HS3ST5: variants seen among roughly 807,000 people sequenced by gnomAD.
HS3ST5 encodes the protein heparan sulfate-glucosamine 3-sulfotransferase 5, also known as heparan sulfate glucosamine 3-O-sulfotransferase 5.
In HS3ST5, 10 loss-of-function variants were observed where a neutral mutation model predicts 25.4. The ratio of observed to expected loss-of-function variants is 0.39; its 90% CI spans 0.24 to 0.67. The LOEUF is 0.67. Ranked by LOEUF, HS3ST5 falls within the 30% of genes least tolerant of loss-of-function variation. The probability of loss-of-function intolerance (pLI) is 0.44; values close to 1 mark genes in which losing one functional copy is unlikely to be tolerated. For missense variants in HS3ST5, 324 were observed against 420.7 expected, an observed-to-expected ratio of 0.77 and a Z score of 2.01; for synonymous variants, 170 against 162.4, an observed-to-expected ratio of 1.05 and a Z score of -0.36.
chr6:114,194,410 A>G (rs1034289049), intron 2 of HS3ST5, among the ~76,000 whole-genome samples: 1 of 152,174 alleles, frequency 6.6e-6, no homozygotes, highest in Admixed American at 6.5e-5. Flanking sequence ...GGGAGGTCGG[A>G]CACACTTTGT....
intron 1 of HS3ST5, among the ~76,000 whole-genome samples, chr6:114,319,946 C>T (rs530104645): frequency 6.6e-5 from 10 of 152,052 alleles, no homozygotes; most frequent in African/African-American, 2.2e-4. Context: ...TAACAATGGA[C>T]GGCACATCAA....
intron 1 of HS3ST5, among the ~76,000 whole-genome samples, chr6:114,276,072 A>C (rs1773837605): frequency 6.6e-6 from 1 of 152,138 alleles, no homozygotes; most frequent in African/African-American, 2.4e-5. Context: ...AGGCTGGTCA[A>C]AATTTATGGG....
At chr6:114,255,512 C>G (rs1463873410) in intron 1 of HS3ST5, among the ~76,000 whole-genome samples, 3 of 152,158 alleles carry the variant, frequency 2.0e-5, no homozygotes, top group African/African-American at 7.2e-5. Context: ...CCAGTGGGAA[C>G]TCTGTGTGGG....
At chr6:114,065,482 C>G (rs1378981873) in intron 3 of HS3ST5, among the ~76,000 whole-genome samples, 3 of 152,158 alleles carry the variant, frequency 2.0e-5, no homozygotes, top group African/African-American at 7.2e-5. Flanking sequence ...CTTAGTAGCT[C>G]TATGGTTTTG....
chr6:114,127,055 A>C (rs1209022791), intron 3 of HS3ST5, among the ~76,000 whole-genome samples: 1 of 152,138 alleles, frequency 6.6e-6, no homozygotes, highest in Non-Finnish European at 1.5e-5. Flanking sequence ...ACAAAGCATA[A>C]AATGACATCT....
chr6:114,293,351 C>T (rs976307331), intron 1 of HS3ST5, among the ~76,000 whole-genome samples: 2 of 152,180 alleles, frequency 1.3e-5, no homozygotes, highest in South Asian at 4.1e-4. Context: ...GGAGACATAA[C>T]CTGAAATAAG....
At chr6:114,097,663 A>G (rs183837594) in intron 3 of HS3ST5, among the ~76,000 whole-genome samples, 1 of 151,694 alleles carries the variant, frequency 6.6e-6, no homozygotes, top group East Asian at 1.9e-4. Context: ...TTTGAATTGA[A>G]GTAATCAAAA....
At chr6:114,285,652 C>A (rs1301121453) in intron 1 of HS3ST5, among the ~76,000 whole-genome samples, 1 of 151,668 alleles carries the variant, frequency 6.6e-6, no homozygotes, top group African/African-American at 2.4e-5. Flanking sequence ...GGGAACAACA[C>A]ACACTTGGGC....
At chr6:114,290,054 G>A (rs142385084) in intron 1 of HS3ST5, among the ~76,000 whole-genome samples, 132 of 152,204 alleles carry the variant, frequency 8.7e-4, no homozygotes, top group Admixed American at 1.6e-3. Context: ...TCACTGAAAT[G>A]CAGCACAATT....
intron 2 of HS3ST5, among the ~76,000 whole-genome samples, chr6:114,188,100 A>C (rs1280962466): frequency 6.6e-6 from 1 of 152,216 alleles, no homozygotes; most frequent in Non-Finnish European, 1.5e-5. Flanking sequence ...GGTGGTCTGC[A>C]ACAGAACCTG....
Position 114,342,580 on chromosome 6 carries a change from C to T in HS3ST5, c.-724G>A. The T allele has an allele frequency of 6.5e-6, 1 of 154,288 alleles. No individual in the cohort carries two copies. The highest frequency in any genetic ancestry group is 1.4e-5 in the Non-Finnish European group (1 of 69,066). 9.6% of individuals were successfully genotyped at this position (154,288 alleles called of 1,614,324 possible). A position where few individuals can be genotyped will look rare whatever the true frequency, so the allele number is the denominator to read the frequency against. ...GCGCGCTCCCGTGGCGCGGGCACGG[C>T]ACGGGCGGCCGCAGGAGCCGGAGTC... On this transcript the variant is annotated 5_prime_UTR_variant, in exon 1 of 5. Transcript: ENST00000312719.
intron 3 of HS3ST5, among the ~76,000 whole-genome samples, chr6:114,110,054 AC>A (rs1776190209): frequency 6.6e-6 from 1 of 152,166 alleles, no homozygotes; most frequent in South Asian, 2.1e-4. Flanking sequence ...AAGGGCAGGG[AC>A]CCAGAAACGA....
intron 2 of HS3ST5, among the ~76,000 whole-genome samples, chr6:114,177,286 G>A (rs1039975710): frequency 1.3e-5 from 2 of 152,134 alleles, no homozygotes; most frequent in Non-Finnish European, 2.9e-5. Flanking sequence ...CATACATTAC[G>A]ATAGCCATAC....
chr6:114,192,375 CT>C (rs890091384), intron 2 of HS3ST5, among the ~76,000 whole-genome samples: 20 of 152,218 alleles, frequency 1.3e-4, no homozygotes, highest in African/African-American at 4.3e-4. Flanking sequence ...GATTAGAGAA[CT>C]CTCTCACAGA....
At chr6:114,298,001 C>T (rs1774901252) in intron 1 of HS3ST5, among the ~76,000 whole-genome samples, 1 of 151,964 alleles carries the variant, frequency 6.6e-6, no homozygotes, top group African/African-American at 2.4e-5. Flanking sequence ...GTCTCCTGTC[C>T]CTCTACCCCT....
intron 3 of HS3ST5, among the ~76,000 whole-genome samples, chr6:114,105,060 A>G (rs1319030508): frequency 1.3e-5 from 2 of 152,136 alleles, no homozygotes; most frequent in Non-Finnish European, 2.9e-5. Context: ...CATAGCTGTC[A>G]ATAGAACCAC....
At chr6:114,082,390 T>G (rs1774502401) in intron 3 of HS3ST5, among the ~76,000 whole-genome samples, 1 of 152,220 alleles carries the variant, frequency 6.6e-6, no homozygotes. Flanking sequence ...AACTGGATTT[T>G]AAGTCATTTA....
chr6:114,263,348 A>G (rs890661678), intron 1 of HS3ST5, among the ~76,000 whole-genome samples: 1 of 152,090 alleles, frequency 6.6e-6, no homozygotes, highest in Non-Finnish European at 1.5e-5. Context: ...TTATAAGAAA[A>G]AGATCTTCAC....
At chr6:114,250,730 A>G (rs1772621880) in intron 1 of HS3ST5, among the ~76,000 whole-genome samples, 1 of 152,228 alleles carries the variant, frequency 6.6e-6, no homozygotes, top group South Asian at 2.1e-4. Flanking sequence ...GTTAATATTC[A>G]TACTATCAGC....
Sources: allele counts gnomAD v4.1 joint callset (sites outside exome capture counted in the v4.1 genomes callset), GRCh38; gene constraint gnomAD v4.1.1; transcripts MANE v1.5; gene names NCBI Gene and HGNC (gene_info 2026-07-23, HGNC 2026-07-21).